ANKRD52: variants seen among roughly 807,000 people sequenced by gnomAD.
ANKRD52 encodes the protein serine/threonine-protein phosphatase 6 regulatory ankyrin repeat subunit C.
In ANKRD52, 7 loss-of-function variants were observed where a neutral mutation model predicts 116.0. The observed-to-expected ratio is 0.06, with a 90% CI of 0.03 to 0.11. The LOEUF (loss-of-function observed/expected upper bound fraction) is 0.11. Ranked by LOEUF, ANKRD52 falls within the 10% of genes least tolerant of loss-of-function variation. ANKRD52 has a pLI of 1.00. For synonymous variants in ANKRD52, 528 were observed against 578.1 expected (o/e 0.91, Z 1.24); for missense variants, 839 against 1,408.6 (o/e 0.60, Z 6.47).
rs1013662556 is a variant in ANKRD52 at position 56,240,497 on chromosome 12, G to C, written c.*2645C>G. The C allele has an allele frequency of 6.6e-6, 1 of 152,088 alleles. No individual in the cohort carries two copies. The highest frequency in any genetic ancestry group is 1.5e-5 in the Non-Finnish European group (1 of 68,006). 9.4% of individuals were successfully genotyped at this position (152,088 alleles called of 1,614,324 possible). A position where few individuals can be genotyped will look rare whatever the true frequency, so the allele number is the denominator to read the frequency against. ...GGAGAGGGGGGAGGGGGAGGGCAAA[G>C]GGAAGGCGCTGTTCCCTCCCCGCCC... On this transcript the variant is annotated 3_prime_UTR_variant, in exon 28 of 28. Coordinates refer to ENST00000267116, the MANE Select transcript of ANKRD52 (RefSeq NM_173595.4). The surrounding 1 kb of genome is among the most constrained non-coding windows in gnomAD (Gnocchi z 4.2).
At chr12:56,246,333 T>C (rs1871399376) in intron 20 of ANKRD52, among the ~76,000 whole-genome samples, 1 of 152,064 alleles carries the variant, frequency 6.6e-6, no homozygotes, top group South Asian at 2.1e-4. Context: ...CCCGGCCCTT[T>C]ACAACAACAA....
At position 56,244,628 on chromosome 12, in the gene ANKRD52, C is replaced by T; in HGVS notation, c.2722+24G>A. On this transcript the variant is annotated intron_variant, in intron 24 of 27. Coordinates refer to ENST00000267116, the MANE Select transcript of ANKRD52 (RefSeq NM_173595.4). This position sits in a 1 kb window ranked among gnomAD's most constrained non-coding sequence, Gnocchi z 4.9. Reference sequence around the variant, plus strand: ...GCAAATGCCCCAGGGGAGCTCCTCCCTTCCACAAGTGGCCCCTACACACCC... The same window carrying T: ...GCAAATGCCCCAGGGGAGCTCCTCCTTTCCACAAGTGGCCCCTACACACCC... The T allele has an allele frequency of 6.2e-7, 1 of 1,612,810 alleles. No homozygotes were observed. Among genetic ancestry groups the T allele is most frequent in the Non-Finnish European group, 8.5e-7 (1 of 1,179,568 alleles).
chr12:56,241,028 G>C lies in ANKRD52; in HGVS notation c.*2114C>G, dbSNP rs1250588858. The C allele has an allele frequency of 6.6e-6, 1 of 152,230 alleles. No individual in the cohort carries two copies. The highest frequency in any genetic ancestry group is 6.5e-5 in the Admixed American group (1 of 15,288). The allele number at this position is 152,230 out of a possible 1,614,324, so 9.4% of individuals were successfully genotyped here. A position where few individuals can be genotyped will look rare whatever the true frequency, so the allele number is the denominator to read the frequency against. ...GGGGTGGAATGGGAAGATTTCAGGA[G>C]AGAGAATTGAAGGGAAGGCAAGCTT... On this transcript the variant is annotated 3_prime_UTR_variant, in exon 28 of 28. Transcript: ENST00000267116.
intron 20 of ANKRD52, among the ~76,000 whole-genome samples, chr12:56,246,524 C>T (rs1034260430): frequency 4.6e-5 from 7 of 151,958 alleles, no homozygotes; most frequent in South Asian, 2.1e-4. Context: ...CAGGTGGTCA[C>T]GGAAGAGGAT....
chr12:56,243,533 C>T lies in ANKRD52; in HGVS notation c.2981-141G>A, dbSNP rs1009869998. The T allele has an allele frequency of 7.8e-7, 1 of 1,289,640 alleles. No individual in the cohort carries two copies. The highest frequency in any genetic ancestry group is 1.5e-5 in the African/African-American group (1 of 66,456). The allele number at this position is 1,289,640 out of a possible 1,614,324, so 79.9% of individuals were successfully genotyped here. ...GGCAGAATCCAAGGGTGACGAGGGCCCAGGAAGGCTGACAGGCAGATTCTC... is the reference window on the plus strand; with the variant it reads ...GGCAGAATCCAAGGGTGACGAGGGCTCAGGAAGGCTGACAGGCAGATTCTC... On this transcript the variant is annotated intron_variant, in intron 27 of 27. Coordinates refer to ENST00000267116, the MANE Select transcript of ANKRD52 (RefSeq NM_173595.4). The surrounding 1 kb of genome is among the most constrained non-coding windows in gnomAD (Gnocchi z 4.6).
At chr12:56,246,919 CAATAAT>C (rs374443069) in intron 20 of ANKRD52, among the ~76,000 whole-genome samples, 47,485 of 125,016 alleles carry the variant, frequency 0.38, 9,242 homozygotes, top group Non-Finnish European at 0.43. Flanking sequence ...GACTCTATCT[CAATAAT>C]AATAATAATA....
At chr12:56,256,834 C>T (rs1871977313) in intron 4 of ANKRD52, among the ~76,000 whole-genome samples, 181 bp downstream of exon 4, 1 of 152,200 alleles carries the variant, frequency 6.6e-6, no homozygotes, top group Non-Finnish European at 1.5e-5. Flanking sequence ...CATCAGCTGG[C>T]AGCACTCAAC....
In ANKRD52 at chr12:56,248,056, G is replaced by A. The variant is rs779734308; in HGVS notation, c.1945C>T (p.Arg649Cys). Residue 649 changes from arginine to cysteine, a missense_variant, in exon 18 of 28, where the codon CGC becomes TGC. This residue lies in a region of ANKRD52 where 552 missense variants were observed against 810.6 expected (regional missense o/e 0.68). Transcript: ENST00000267116. This position sits in a 1 kb window ranked among gnomAD's most constrained non-coding sequence, Gnocchi z 5.1. ...TGCAGGGGTGTCCACTTGCGCTTGC[G>A]CTCCTTGATGAGGGCAGAGGCGCCG... The part of the protein sequence containing the change: ...AHGASALIKE[R>C]KRKWTPLHAA... 1.3e-5 allele frequency: 21 copies of A among 1,609,324 alleles called. 1 individual carries two copies. The highest frequency in any genetic ancestry group is 3.3e-5 in the South Asian group (3 of 91,072).
At chr12:56,245,261 A>G (rs1871341615) in intron 21 of ANKRD52, 71 bp from the exon 22 acceptor site, 2 of 1,599,716 alleles carry the variant, frequency 1.3e-6, no homozygotes, top group Non-Finnish European at 8.6e-7. Context: ...GTGTCTTGAC[A>G]CTCCATTCCA....
rs777966459 is a variant in ANKRD52, at chr12:56,244,751, G to A, written c.2623C>T (p.Arg875Trp). ...TCAGCTTGATGCTGCAGCAGCATCC[G>A]GAGCCCAGAGACATTGTCCGCGAAG... is the stretch of plus-strand genomic sequence containing the variant. ...AAFADNVSGL[R>W]MLLQHQAEVN... Residue 875 changes from arginine (R) to tryptophan (W), a missense_variant, in exon 24 of 28, where the codon CGG (arginine) becomes TGG (tryptophan). Transcript: ENST00000267116. This position sits in a 1 kb window ranked among gnomAD's most constrained non-coding sequence, Gnocchi z 4.9. The A allele has an allele frequency of 4.3e-6, 7 of 1,613,796 alleles. No homozygotes were observed. Among genetic ancestry groups the A allele is most frequent in the East Asian group, 4.5e-5 (2 of 44,880 alleles).
At chr12:56,245,706 G>GTATTT in intron 20 of ANKRD52, 110 bp from the exon 21 acceptor site, 1 of 532,484 alleles carries the variant, frequency 1.9e-6, no homozygotes, top group Non-Finnish European at 3.0e-6. Flanking sequence ...TCCAATCCTT[G>GTATTT]TCTTTTTTTT....
rs747041561 is a variant in ANKRD52, at chr12:56,248,789, G to A, written c.1674C>T (p.Ala558=). The A allele has an allele frequency of 1.4e-5, 22 of 1,611,190 alleles. No individual in the cohort carries two copies. The highest frequency in any genetic ancestry group is 2.2e-5 in the South Asian group (2 of 90,676). ...RQGYTAVHYA[A]AYGNRQNLEL... ...CGAGGTTCTGTCTGTTGCCATAGGC[G>A]GCTGCATAGTGCACAGCTGTGTAGC... Residue 558 remains alanine (A), a synonymous_variant, in exon 16 of 28, where the codon GCC becomes GCT. Transcript: ENST00000267116. The surrounding 1 kb of genome is among the most constrained non-coding windows in gnomAD (Gnocchi z 5.1).
chr12:56,253,421 A>G lies in ANKRD52; in HGVS notation c.986-19T>C, dbSNP rs1315045511. 11 of 1,594,456 alleles carry G rather than the reference A, an allele frequency of 6.9e-6. No individual in the cohort carries two copies. In the East Asian group the frequency reaches 2.2e-4, roughly 32 times the overall value. On this transcript the variant is annotated intron_variant, in intron 9 of 27. Coordinates refer to ENST00000267116, the MANE Select transcript of ANKRD52 (RefSeq NM_173595.4). The surrounding 1 kb of genome is among the most constrained non-coding windows in gnomAD (Gnocchi z 5.5). ...TCGCTGCCTGTGAGGGGATGCACAC[A>G]CACAAGCTCAGGCAGACCTCAGGCT... is the stretch of plus-strand genomic sequence containing the variant.
At chr12:56,256,816 C>T (rs1871976897) in intron 4 of ANKRD52, among the ~76,000 whole-genome samples, 199 bp downstream of exon 4, 1 of 152,178 alleles carries the variant, frequency 6.6e-6, no homozygotes, top group Admixed American at 6.5e-5. Flanking sequence ...TAAGCTCTTC[C>T]TGAGTCACAT....
Position 56,243,769 on chromosome 12 carries a change from C to G in ANKRD52, c.2980+16G>C. 1.3e-6 allele frequency: 2 copies of G among 1,552,382 alleles called. No individual in the cohort carries two copies. Among genetic ancestry groups the G allele is most frequent in the Non-Finnish European group, 1.7e-6 (2 of 1,147,292 alleles). On this transcript the variant is annotated intron_variant, in intron 27 of 27. Transcript: ENST00000267116. This position sits in a 1 kb window ranked among gnomAD's most constrained non-coding sequence, Gnocchi z 4.6. ...CCCAAACCCAAGAGAGGCATGGGGC[C>G]CCAGACCCCACCCACCTTCTTCATC...
rs1275338209 is a variant in ANKRD52, at chr12:56,241,971, C to T, written c.*1171G>A. 2.5e-6 allele frequency: 1 copy of T among 398,514 alleles called. No homozygotes were observed. Among genetic ancestry groups the T allele is most frequent in the Non-Finnish European group, 4.4e-6 (1 of 226,088 alleles). The allele number at this position is 398,514 out of a possible 1,614,324, so 24.7% of individuals were successfully genotyped here. On this transcript the variant is annotated 3_prime_UTR_variant, in exon 28 of 28. Transcript: ENST00000267116. ...ATCTCTCTCTAGGTCAGAGCTTCTT[C>T]CTCACACTGGAGGGGAAGCCTGGGT... is the stretch of plus-strand genomic sequence containing the variant.
chr12:56,238,005 GA>G lies in ANKRD52; in HGVS notation c.*5136del. ...ACATTGTGCTTTAGCCCAGGGAGGG[GA>G]GGGGTGGGGCAAATGCACCGAGGTC... is the stretch of plus-strand genomic sequence containing the variant. On this transcript the variant is annotated 3_prime_UTR_variant, in exon 28 of 28. Coordinates refer to ENST00000267116, the MANE Select transcript of ANKRD52 (RefSeq NM_173595.4). The G allele has an allele frequency of 3.8e-6, 1 of 260,556 alleles. No individual in the cohort carries two copies. The highest frequency in any genetic ancestry group is 7.2e-6 in the Non-Finnish European group (1 of 138,454). 16.1% of individuals were successfully genotyped at this position (260,556 alleles called of 1,614,324 possible).
rs541779317 is a variant in ANKRD52 at position 56,249,766 on chromosome 12, G to A, written c.1593-896C>T. On this transcript the variant is annotated intron_variant, in intron 15 of 27. Transcript: ENST00000267116. ...TAAAAATACAAAAATTAGGCTGGGC[G>A]TGGTGGCTCACGCCTGCAATCCTAG... 1.1e-3 allele frequency among the ~76,000 whole-genome samples: 172 copies of A among 152,334 alleles called. 1 individual carries two copies. The highest frequency in any genetic ancestry group is 3.9e-3 in the African/African-American group (163 of 41,580).
At position 56,242,300 on chromosome 12, in the gene ANKRD52, A is replaced by C. The variant is rs1871200327; in HGVS notation, c.*842T>G. ...TACTTAAAAATTCATGACAAGCCTC[A>C]AAGTTCAAGGGAAGGAGAGCCAGGG... On this transcript the variant is annotated 3_prime_UTR_variant, in exon 28 of 28. Transcript: ENST00000267116. The surrounding 1 kb of genome is among the most constrained non-coding windows in gnomAD (Gnocchi z 4.3). 5 of 397,228 alleles carry C rather than the reference A, an allele frequency of 1.3e-5. No individual in the cohort carries two copies. The East Asian group carries it at 1.4e-4, about 11-fold the overall frequency. 24.6% of individuals were successfully genotyped at this position (397,228 alleles called of 1,614,324 possible). A position where few individuals can be genotyped will look rare whatever the true frequency, so the allele number is the denominator to read the frequency against.
Sources: gnomAD v4.1 joint callset for allele counts (sites outside exome capture counted in the v4.1 genomes callset) on GRCh38, gnomAD v4.1.1 for gene constraint, gnomAD v4.1.1 regional missense constraint, Gnocchi (gnomAD v3.1) non-coding constraint, MANE v1.5 for transcripts, NCBI Gene and HGNC (gene_info 2026-07-23, HGNC 2026-07-21) for gene names.